DGKG: variants seen among roughly 807,000 people sequenced by gnomAD.
The protein encoded by DGKG is DAG kinase gamma.
A neutral mutation model predicts 105.3 loss-of-function variants in DGKG; 78 were observed. That is an observed-to-expected ratio of 0.74 (90% CI 0.62 to 0.89). The LOEUF is 0.89. Ranked by LOEUF, DGKG falls within the 40% of genes least tolerant of loss-of-function variation. DGKG has a pLI of 0.00. For synonymous variants in DGKG, 346 were observed against 367.1 expected (o/e 0.94, Z 0.66); for missense variants, 958 against 1,020.1 (o/e 0.94, Z 0.83).
chr3:186,288,444 G>A (rs1723167580), intron 6 of DGKG, among the ~76,000 whole-genome samples: 1 of 152,174 alleles, frequency 6.6e-6, no homozygotes, highest in African/African-American at 2.4e-5. Flanking sequence ...CACTTGATGG[G>A]ACCCCTTCCC....
At chr3:186,276,160 G>C (rs1722579538) in intron 9 of DGKG, among the ~76,000 whole-genome samples, 1 of 152,106 alleles carries the variant, frequency 6.6e-6, no homozygotes, top group South Asian at 2.1e-4. Flanking sequence ...ATGAAAAGCT[G>C]GAAATATCCT....
intron 21 of DGKG, among the ~76,000 whole-genome samples, chr3:186,190,754 G>C (rs1304941835): frequency 6.6e-6 from 1 of 152,146 alleles, no homozygotes; most frequent in Admixed American, 6.5e-5. Flanking sequence ...AGTCTACCCA[G>C]CTTACTTCCA....
rs146376322 is a variant in DGKG, at chr3:186,214,837, A to G, written c.1827-2952T>C. Among the ~76,000 whole-genome samples the G allele has an allele frequency of 8.5e-5, 13 of 152,372 alleles. No individual in the cohort carries two copies. In the East Asian group the frequency reaches 2.3e-3, roughly 27 times the overall value. ...ATTCCTGGACATCTGGAAAAGACAG[A>G]CAGGAAGCAGACCACAGTGTGGTTG... is the stretch of plus-strand genomic sequence containing the variant. On this transcript the variant is annotated intron_variant, in intron 20 of 24. Transcript: ENST00000265022.
At chr3:186,175,435 G>A (rs952829072) in intron 22 of DGKG, among the ~76,000 whole-genome samples, 3 of 152,202 alleles carry the variant, frequency 2.0e-5, no homozygotes, top group Non-Finnish European at 4.4e-5. Flanking sequence ...ATTCTCCAGG[G>A]CTCCGATGAA....
intron 1 of DGKG, among the ~76,000 whole-genome samples, chr3:186,347,239 G>A (rs1481438083): frequency 6.6e-6 from 1 of 151,932 alleles, no homozygotes; most frequent in Non-Finnish European, 1.5e-5. Flanking sequence ...ACGAGGTCAG[G>A]AGATCGAGAC....
At position 186,330,828 on chromosome 3, in the gene DGKG, G is replaced by A. The variant is rs575768975; in HGVS notation, c.-248-10121C>T. On this transcript the variant is annotated intron_variant, in intron 1 of 24. Transcript: ENST00000265022. ...CGTGGAGCAGAGATAACCCATCCCC[G>A]CTCAGCCTGGTCTGGATTCCCAATG... is the stretch of plus-strand genomic sequence containing the variant. Among the ~76,000 whole-genome samples, 12 of 152,280 alleles carry A rather than the reference G, an allele frequency of 7.9e-5. No homozygotes were observed. In the East Asian group the frequency reaches 1.2e-3, roughly 15 times the overall value.
Position 186,279,861 on chromosome 3 carries a change from A to T in DGKG, c.782T>A (p.Met261Lys), listed in dbSNP as rs762661613. The T allele has an allele frequency of 4.0e-5, 65 of 1,613,684 alleles. No homozygotes were observed. Among genetic ancestry groups the T allele is most frequent in the Middle Eastern group, 3.3e-4 (2 of 6,080 alleles). Residue 261 changes from methionine to lysine, a missense_variant, in exon 9 of 25, where the codon ATG (methionine) becomes AAG (lysine). By Grantham distance (95) the Met-to-Lys change is moderately conservative (BLOSUM62 -1). Coordinates refer to ENST00000265022, the MANE Select transcript of DGKG (RefSeq NM_001346.3). ...TTIPLLVLLG[M>K]DDSGSKGDGR... Reference sequence around the variant, plus strand: ...AGCTTGTTGACTTACAGAGTCATCCATCCCCAGGAGGACCAGCAATGGGAT... The same window carrying T: ...AGCTTGTTGACTTACAGAGTCATCCTTCCCCAGGAGGACCAGCAATGGGAT...
In DGKG at chr3:186,352,332, G is replaced by C. The variant is rs9853866; in HGVS notation, c.-249+9614C>G. On this transcript the variant is annotated intron_variant, in intron 1 of 24. Transcript: ENST00000265022. ...TGTGAGATGTTTCTTTCCCTTATTA[G>C]ATAGGCATGGACCTCCTTGACATGG... 1.6e-3 allele frequency among the ~76,000 whole-genome samples: 247 copies of C among 152,204 alleles called. 1 individual carries two copies. The highest frequency in any genetic ancestry group is 4.8e-3 in the South Asian group (23 of 4,818).
Position 186,184,745 on chromosome 3 carries a change from C to G in DGKG, c.2095+3457G>C, listed in dbSNP as rs376874714. The stretch of plus-strand genomic sequence containing the variant: ...ACCCCTCCCATCATCATTTCCTCTT[C>G]CATTTCCTATGATAAGCTCATTCCC... On this transcript the variant is annotated intron_variant, in intron 22 of 24. Coordinates refer to ENST00000265022, the MANE Select transcript of DGKG (RefSeq NM_001346.3). Among the ~76,000 whole-genome samples the G allele has an allele frequency of 7.9e-5, 12 of 152,250 alleles. No homozygotes were observed. In the East Asian group the frequency reaches 1.3e-3, roughly 17 times the overall value.
At chr3:186,320,992 A>G (rs1725048913) in intron 1 of DGKG, among the ~76,000 whole-genome samples, 1 of 152,242 alleles carries the variant, frequency 6.6e-6, no homozygotes, top group Admixed American at 6.5e-5. Context: ...GAGCATCCTC[A>G]GGGCATAAAA....
chr3:186,265,155 G>T, intron 14 of DGKG, 92 bp downstream of exon 14: 2 of 1,241,138 alleles, frequency 1.6e-6, no homozygotes, highest in South Asian at 1.2e-5. Flanking sequence ...CAAATGCTGA[G>T]ATGCTTTTCT....
intron 1 of DGKG, among the ~76,000 whole-genome samples, chr3:186,336,151 A>G (rs1725822843): frequency 6.6e-6 from 1 of 152,062 alleles, no homozygotes; most frequent in Non-Finnish European, 1.5e-5. Flanking sequence ...TGGTCATCTC[A>G]CCCCAACTGG....
chr3:186,158,729 G>T, intron 24 of DGKG: 2 of 971,506 alleles, frequency 2.1e-6, no homozygotes, highest in Non-Finnish European at 2.4e-6. Flanking sequence ...CTCAATATCT[G>T]TCTGTCAATT....
chr3:186,190,487 C>T (rs940319713), intron 21 of DGKG, among the ~76,000 whole-genome samples: 2 of 152,260 alleles, frequency 1.3e-5, no homozygotes, highest in South Asian at 2.1e-4. Context: ...GAGTTCAGCA[C>T]GTTATCCATT....
At chr3:186,343,466 T>G (rs1726182334) in intron 1 of DGKG, among the ~76,000 whole-genome samples, 1 of 152,126 alleles carries the variant, frequency 6.6e-6, no homozygotes, top group South Asian at 2.1e-4. Context: ...AATTTTTTTG[T>G]ATTTTTGGTA....
intron 2 of DGKG, among the ~76,000 whole-genome samples, chr3:186,318,071 C>G (rs889691706): frequency 1.3e-5 from 2 of 152,220 alleles, no homozygotes; most frequent in Non-Finnish European, 2.9e-5. Context: ...CACTCACCAC[C>G]TTAGCTCTTT....
chr3:186,235,373 A>T (rs983647294), intron 20 of DGKG, among the ~76,000 whole-genome samples: 4 of 152,200 alleles, frequency 2.6e-5, no homozygotes, highest in Non-Finnish European at 5.9e-5. Flanking sequence ...ACCTCTGGCT[A>T]CCTACAGCAG....
intron 3 of DGKG, among the ~76,000 whole-genome samples, chr3:186,305,847 G>C (rs924394657): frequency 6.6e-6 from 1 of 152,188 alleles, no homozygotes; most frequent in South Asian, 2.1e-4. Context: ...TAACTTGAAG[G>C]GTAGAGTTGT....
chr3:186,323,052 C>T (rs1207907152), intron 1 of DGKG, among the ~76,000 whole-genome samples: 3 of 152,184 alleles, frequency 2.0e-5, no homozygotes, highest in African/African-American at 4.8e-5. Flanking sequence ...CCTCCTGCTG[C>T]TCTCCCTGCC....
Sources: allele counts gnomAD v4.1 joint callset (sites outside exome capture counted in the v4.1 genomes callset), GRCh38; gene constraint gnomAD v4.1.1; transcripts MANE v1.5; gene names NCBI Gene and HGNC (gene_info 2026-07-23, HGNC 2026-07-21).